Variants in NPAS3 observed in about 807,000 individuals in gnomAD.
NPAS3 encodes the protein neuronal PAS domain-containing protein 3.
NPAS3 carries 14 observed loss-of-function variants against 73.1 expected under a neutral mutation model. The observed-to-expected ratio is 0.19, with a 90% CI of 0.13 to 0.30. The LOEUF is 0.30. NPAS3 is among the 10% of genes least tolerant of loss of function. The pLI, the probability that NPAS3 is intolerant of heterozygous loss-of-function variation, is 1.00. For synonymous variants in NPAS3, 620 were observed against 541.5 expected, an observed-to-expected ratio of 1.14 and a Z score of -2.01; for missense variants, 1,096 against 1,250.0, an observed-to-expected ratio of 0.88 and a Z score of 1.86.
chr14:33,249,907 TACACACACAC>T lies in NPAS3; in HGVS notation c.385+34502_385+34511del, dbSNP rs369565240. 3.7e-4 allele frequency among the ~76,000 whole-genome samples: 55 copies of T among 147,064 alleles called. 1 individual carries two copies. In the South Asian group the frequency reaches 5.8e-3, roughly 16 times the overall value. On this transcript the variant is annotated intron_variant, in intron 3 of 11. Coordinates refer to ENST00000356141, the Ensembl canonical transcript of NPAS3. The stretch of plus-strand genomic sequence containing the variant: ...AACGCGTTTGGAAGCAAATCTGTCA[TACACACACAC>T]ACACACACACACACACACACCCCTA...
upstream of NPAS3, among the ~76,000 whole-genome samples, chr14:32,937,008 A>C (rs2035717317): frequency 6.8e-6 from 1 of 146,388 alleles, no homozygotes; most frequent in African/African-American, 2.5e-5. Flanking sequence ...TTTATGTTAT[A>C]TTGGCAGAAG....
chr14:33,043,503 T>C (rs1595307715), intron 1 of NPAS3, among the ~76,000 whole-genome samples: 1 of 152,146 alleles, frequency 6.6e-6, no homozygotes, highest in Admixed American at 6.5e-5. Context: ...AGCTGAAATG[T>C]TTTGGCTTCA....
chr14:32,987,226 A>ATT (rs201588607), intron 1 of NPAS3, among the ~76,000 whole-genome samples: 29,155 of 141,790 alleles, frequency 0.21, 3,937 homozygotes, highest in African/African-American at 0.39. Context: ...TTGTGTCAGA[A>ATT]TTTTTTTTTT....
intron 3 of NPAS3, among the ~76,000 whole-genome samples, chr14:33,318,624 T>A (rs2043306365): frequency 6.6e-6 from 1 of 152,150 alleles, no homozygotes; most frequent in African/African-American, 2.4e-5. Context: ...TGATAATAAT[T>A]GCTGAATCAA....
intron 3 of NPAS3, among the ~76,000 whole-genome samples, chr14:33,350,013 C>T (rs1203892105): frequency 1.3e-5 from 2 of 152,198 alleles, no homozygotes; most frequent in Non-Finnish European, 2.9e-5. Context: ...ACTGCTGGTC[C>T]TTGGGTGTTA....
At chr14:33,422,009 T>C (rs1330689562) in intron 4 of NPAS3, among the ~76,000 whole-genome samples, 1 of 151,966 alleles carries the variant, frequency 6.6e-6, no homozygotes, top group Non-Finnish European at 1.5e-5. Flanking sequence ...TTCTTGGCAC[T>C]AATGCCACTG....
chr14:33,549,230 A>C (rs2054992096), intron 4 of NPAS3, among the ~76,000 whole-genome samples: 1 of 152,238 alleles, frequency 6.6e-6, no homozygotes, highest in African/African-American at 2.4e-5. Context: ...AAATTTGAGC[A>C]CCTATTTTAT....
intron 9 of NPAS3, among the ~76,000 whole-genome samples, chr14:33,789,844 C>T (rs1003861195): frequency 2.6e-5 from 4 of 152,008 alleles, no homozygotes; most frequent in Non-Finnish European, 5.9e-5. Flanking sequence ...CCGCCTCGGC[C>T]TCCCAAAGTG....
intron 2 of NPAS3, among the ~76,000 whole-genome samples, chr14:33,059,602 T>C (rs964076097): frequency 1.3e-5 from 2 of 152,228 alleles, no homozygotes; most frequent in Non-Finnish European, 2.9e-5. Flanking sequence ...CTTTCCTTTT[T>C]AGTGGTCTTT....
chr14:33,299,971 C>T (rs565792070), intron 3 of NPAS3, among the ~76,000 whole-genome samples: 77 of 152,230 alleles, frequency 5.1e-4, no homozygotes, highest in Non-Finnish European at 8.7e-4. Flanking sequence ...AATTCAAAAC[C>T]GTAGTACAGA....
chr14:33,348,059 C>G (rs2140335247), intron 3 of NPAS3, among the ~76,000 whole-genome samples: 1 of 152,168 alleles, frequency 6.6e-6, no homozygotes, highest in Admixed American at 6.5e-5. Flanking sequence ...GGTTGGATGT[C>G]AAGGCAGGAA....
intron 2 of NPAS3, among the ~76,000 whole-genome samples, chr14:33,128,270 A>G (rs534976634): frequency 1.2e-3 from 177 of 152,304 alleles, no homozygotes; most frequent in Non-Finnish European, 2.1e-3. Context: ...ATGTACTTTA[A>G]AAAATGTGTA....
chr14:33,327,876 T>A (rs2140262398), intron 3 of NPAS3, among the ~76,000 whole-genome samples: 1 of 152,324 alleles, frequency 6.6e-6, no homozygotes, highest in South Asian at 2.1e-4. Context: ...TTCAAAAAGA[T>A]ACCACCCATT....
chr14:33,367,192 G>C (rs1211066039), exon 4 of NPAS3: 1 of 858,956 alleles, frequency 1.2e-6, no homozygotes, highest in Admixed American at 1.8e-5. Flanking sequence ...TAAGTTATAG[G>C]TGCACAGCGA....
At chr14:33,123,867 T>A (rs199536486) in intron 2 of NPAS3, among the ~76,000 whole-genome samples, 1 of 147,026 alleles carries the variant, frequency 6.8e-6, no homozygotes, top group Admixed American at 6.7e-5. Context: ...CTTTCTTTTT[T>A]TTTTTTTTTT....
intron 3 of NPAS3, among the ~76,000 whole-genome samples, chr14:33,361,977 A>C (rs907587239): frequency 1.3e-5 from 2 of 152,244 alleles, no homozygotes; most frequent in African/African-American, 2.4e-5. Context: ...AAGTACACTG[A>C]AAAAGCACTG....
At chr14:33,227,700 A>C (rs1039799540) in intron 3 of NPAS3, among the ~76,000 whole-genome samples, 17 of 152,172 alleles carry the variant, frequency 1.1e-4, no homozygotes, top group Non-Finnish European at 1.8e-4. Context: ...TCCAAGTACC[A>C]TCACAATGGG....
chr14:33,342,268 A>G (rs2044523020), intron 3 of NPAS3, among the ~76,000 whole-genome samples: 1 of 152,178 alleles, frequency 6.6e-6, no homozygotes, highest in Non-Finnish European at 1.5e-5. Context: ...TTCAAATAGA[A>G]CTGCTTGTTA....
At chr14:33,268,139 A>G (rs1050649426) in intron 3 of NPAS3, among the ~76,000 whole-genome samples, 2 of 152,134 alleles carry the variant, frequency 1.3e-5, no homozygotes, top group African/African-American at 4.8e-5. Context: ...TTAACCTCCC[A>G]GTGACCTTGT....
Sources: allele counts gnomAD v4.1 joint callset (sites outside exome capture counted in the v4.1 genomes callset), GRCh38; gene constraint gnomAD v4.1.1; transcripts MANE v1.5; gene names NCBI Gene and HGNC (gene_info 2026-07-23, HGNC 2026-07-21).